The following TENM3 variants were observed in gnomAD, a reference collection of about 807,000 sequenced individuals.
The protein encoded by TENM3 is teneurin-3.
A neutral mutation model predicts 255.1 loss-of-function variants in TENM3; 63 were observed. The ratio of observed to expected loss-of-function variants is 0.25; its 90% CI spans 0.20 to 0.30. The LOEUF is 0.30. TENM3 is among the 10% of genes least tolerant of loss of function. The probability of loss-of-function intolerance (pLI) is 1.00; values close to 1 mark genes in which losing one functional copy is unlikely to be tolerated. For synonymous variants in TENM3, 1,306 were observed against 1,322.3 expected (o/e 0.99, Z 0.27); for missense variants, 2,929 against 3,461.1 (o/e 0.85, Z 3.86).
At chr4:182,085,974 T>C in the TENM3 span, among the ~76,000 whole-genome samples, 4 of 152,288 alleles carry the variant, frequency 2.6e-5, no homozygotes, top group Middle Eastern at 3.4e-3. Flanking sequence ...CTTTGAGGAA[T>C]TGTTATAAGT....
At chr4:182,448,091 G>C (rs116353710) in intron 3 of TENM3, among the ~76,000 whole-genome samples, 1 of 152,216 alleles carries the variant, frequency 6.6e-6, no homozygotes, top group Non-Finnish European at 1.5e-5. Flanking sequence ...AGTGGCTCGG[G>C]CCACTTGCAC....
intron 1 of TENM3, among the ~76,000 whole-genome samples, chr4:182,291,961 GT>G (rs1658035547): frequency 6.6e-6 from 1 of 152,086 alleles, no homozygotes; most frequent in African/African-American, 2.4e-5. Flanking sequence ...GGTTTTCTTT[GT>G]AATCTTATTA....
chr4:181,900,861 C>G, the TENM3 span, among the ~76,000 whole-genome samples: 14 of 141,384 alleles, frequency 9.9e-5, no homozygotes, highest in Non-Finnish European at 1.8e-4. Flanking sequence ...TTTCTTTATT[C>G]TCTCTCAAGT....
chr4:181,503,733 A>C, the TENM3 span, among the ~76,000 whole-genome samples: 2 of 151,954 alleles, frequency 1.3e-5, no homozygotes, highest in Non-Finnish European at 2.9e-5. Flanking sequence ...GTTTCCGCCA[A>C]ATTATCTGTC....
intron 3 of TENM3, among the ~76,000 whole-genome samples, chr4:182,517,444 T>C (rs6856759): frequency 0.32 from 44,593 of 139,712 alleles, 8,632 homozygotes; most frequent in South Asian, 0.38. Context: ...AGTGCAGTGG[T>C]GCGATCTCGG....
intron 5 of TENM3, among the ~76,000 whole-genome samples, chr4:182,637,051 G>T (rs1189929002): frequency 6.6e-6 from 1 of 152,036 alleles, no homozygotes; most frequent in African/African-American, 2.4e-5. Flanking sequence ...TTACATTAGT[G>T]GTACTAACAG....
At chr4:182,676,579 A>T (rs1453055893) in intron 7 of TENM3, among the ~76,000 whole-genome samples, 1 of 152,214 alleles carries the variant, frequency 6.6e-6, no homozygotes, top group African/African-American at 2.4e-5. Context: ...GATTCTAAGA[A>T]CTCATCGTTT....
chr4:182,772,038 C>G (rs1764276467), intron 22 of TENM3, among the ~76,000 whole-genome samples: 1 of 152,180 alleles, frequency 6.6e-6, no homozygotes, highest in Non-Finnish European at 1.5e-5. Flanking sequence ...CAGCTCATCA[C>G]CGGGCACGGA....
At chr4:181,780,554 A>G in the TENM3 span, among the ~76,000 whole-genome samples, 1 of 152,204 alleles carries the variant, frequency 6.6e-6, no homozygotes, top group African/African-American at 2.4e-5. Flanking sequence ...TCAGATGAGT[A>G]GATCGCAAAA....
At chr4:181,524,949 A>G in the TENM3 span, among the ~76,000 whole-genome samples, 2 of 152,220 alleles carry the variant, frequency 1.3e-5, no homozygotes, top group Non-Finnish European at 2.9e-5. Context: ...CATGACTCTC[A>G]CTGGGAGCTA....
intron 24 of TENM3, among the ~76,000 whole-genome samples, chr4:182,781,039 A>G (rs2152809711): frequency 6.6e-6 from 1 of 150,850 alleles, no homozygotes; most frequent in South Asian, 2.1e-4. Flanking sequence ...CTAATTGAAT[A>G]CCCTTTATTT....
intron 9 of TENM3, 25 bp downstream of exon 9, chr4:182,680,374 A>G (rs1756055906): frequency 6.3e-7 from 1 of 1,576,268 alleles, no homozygotes. Context: ...TTCTTCTCTT[A>G]AGCCGATATA....
At chr4:182,106,940 GCTA>G in the TENM3 span, among the ~76,000 whole-genome samples, 1 of 152,078 alleles carries the variant, frequency 6.6e-6, no homozygotes, top group South Asian at 2.1e-4. Flanking sequence ...GGAGAACTCT[GCTA>G]CAATACAGTC....
At chr4:182,116,309 G>C in the TENM3 span, among the ~76,000 whole-genome samples, 44 of 152,138 alleles carry the variant, frequency 2.9e-4, no homozygotes, top group East Asian at 7.9e-3. Context: ...TTTCAGACTG[G>C]CTTTTTTCAC....
At chr4:182,201,588 G>A (rs780726193) in intron 1 of TENM3, among the ~76,000 whole-genome samples, 1 of 151,782 alleles carries the variant, frequency 6.6e-6, no homozygotes, top group African/African-American at 2.4e-5. Context: ...CTAAGGGAAG[G>A]ATCCAAGAAG....
chr4:181,905,308 G>A, the TENM3 span, among the ~76,000 whole-genome samples: 1 of 152,094 alleles, frequency 6.6e-6, no homozygotes, highest in Non-Finnish European at 1.5e-5. Flanking sequence ...TTACAACATA[G>A]ATACCAAGTA....
At chr4:182,191,950 C>T (rs573385638) in intron 1 of TENM3, among the ~76,000 whole-genome samples, 1 of 152,080 alleles carries the variant, frequency 6.6e-6, no homozygotes, top group East Asian at 1.9e-4. Context: ...ACATAATTAC[C>T]GTTTTAGAGC....
intron 3 of TENM3, among the ~76,000 whole-genome samples, chr4:182,529,768 C>T (rs866343061): frequency 3.3e-5 from 5 of 152,218 alleles, no homozygotes; most frequent in South Asian, 4.1e-4. Flanking sequence ...ATATAAATCC[C>T]AGTTAGCCAC....
chr4:181,584,394 G>T, the TENM3 span, among the ~76,000 whole-genome samples: 1 of 152,290 alleles, frequency 6.6e-6, no homozygotes, highest in South Asian at 2.1e-4. Context: ...ACTGTCCAGA[G>T]TGGCCTCCAC....
Sources: allele counts gnomAD v4.1 joint callset (sites outside exome capture counted in the v4.1 genomes callset), GRCh38; gene constraint gnomAD v4.1.1; transcripts MANE v1.5; gene names NCBI Gene and HGNC (gene_info 2026-07-23, HGNC 2026-07-21).